The following ERI1 variants were observed in gnomAD, a reference collection of about 807,000 sequenced individuals.
ERI1 encodes exoribonuclease 1, also known as 3'-5' exoribonuclease 1.
A neutral mutation model predicts 39.7 loss-of-function variants in ERI1; 39 were observed. That is an observed-to-expected ratio of 0.98 (90% confidence interval 0.76 to 1.28). The LOEUF (loss-of-function observed/expected upper bound fraction) is 1.28, where lower values mean the gene tolerates loss of function less well. Among genes scored for constraint, ERI1 ranks in the 50% most tolerant of loss-of-function variants. The pLI is 0.00. For synonymous variants in ERI1, 204 were observed against 149.6 expected, an observed-to-expected ratio of 1.36 and a Z score of -2.65; for missense variants, 581 against 416.9, an observed-to-expected ratio of 1.39 and a Z score of -3.43.
intron 3 of ERI1, among the ~76,000 whole-genome samples, chr8:9,083,741 T>C (rs1799438328): frequency 6.6e-6 from 1 of 151,664 alleles, no homozygotes; most frequent in African/African-American, 2.4e-5. Context: ...ATTGCTTGAA[T>C]CCAGGAGTTC....
chr8:9,004,174 C>A lies in ERI1; in HGVS notation c.108+1003C>A, dbSNP rs1379524288. 5 of 1,288,670 alleles carry A rather than the reference C, an allele frequency of 3.9e-6. No individual in the cohort carries two copies. In the African/African-American group the frequency reaches 6.1e-5, roughly 16 times the overall value. 79.8% of individuals were successfully genotyped at this position (1,288,670 alleles called of 1,614,324 possible). On this transcript the variant is annotated intron_variant, in intron 1 of 6. Transcript: ENST00000250263. ...TGTGTGCACTTCCTTTGGATCCTTG[C>A]AATTATCTTTCTCCTTCTAAGGTTG...
intron 6 of ERI1, among the ~76,000 whole-genome samples, chr8:9,025,632 C>A (rs566025557): frequency 1.3e-4 from 20 of 151,856 alleles, no homozygotes; most frequent in Non-Finnish European, 2.8e-4. Flanking sequence ...AGTGACTGGG[C>A]CTTTGTTTAA....
intron 3 of ERI1, among the ~76,000 whole-genome samples, chr8:9,045,160 A>G (rs4537305): frequency 0.42 from 61,229 of 146,974 alleles, 14,759 homozygotes; most frequent in East Asian, 0.7. Context: ...GGCGTGAACC[A>G]GGGAGGTGGA....
At chr8:9,071,875 G>C (rs1414142913) in intron 3 of ERI1, among the ~76,000 whole-genome samples, 1 of 152,218 alleles carries the variant, frequency 6.6e-6, no homozygotes, top group African/African-American at 2.4e-5. Flanking sequence ...AGACCAGCTT[G>C]AGCAACATAG....
chr8:9,029,421 C>G (rs1318759096), intron 6 of ERI1, among the ~76,000 whole-genome samples: 3 of 152,258 alleles, frequency 2.0e-5, no homozygotes, highest in Admixed American at 1.3e-4. Context: ...CTCCACCTCC[C>G]AGGTTCAGGC....
downstream of ERI1, among the ~76,000 whole-genome samples, chr8:9,038,100 A>T (rs1426837489): frequency 1.3e-5 from 2 of 152,220 alleles, no homozygotes; most frequent in Non-Finnish European, 2.9e-5. Context: ...GACATTTAAA[A>T]CAAAACAGGC....
chr8:9,013,100 C>T (rs899222285), intron 3 of ERI1, among the ~76,000 whole-genome samples: 1 of 151,956 alleles, frequency 6.6e-6, no homozygotes, highest in Non-Finnish European at 1.5e-5. Context: ...CTGCAACCTC[C>T]ACCTCCTGGG....
In ERI1 at chr8:9,030,175, C is replaced by A. The variant is rs375315959; in HGVS notation, c.*141C>A. 1.4e-5 allele frequency: 16 copies of A among 1,127,526 alleles called. No homozygotes were observed. Among genetic ancestry groups the A allele is most frequent in the African/African-American group, 4.7e-5 (3 of 64,044 alleles). The allele number at this position is 1,127,526 out of a possible 1,614,324, so 69.8% of individuals were successfully genotyped here. A position where few individuals can be genotyped will look rare whatever the true frequency, so the allele number is the denominator to read the frequency against. On this transcript the variant is annotated 3_prime_UTR_variant, in exon 7 of 7. Coordinates refer to ENST00000250263, the MANE Select transcript of ERI1 (RefSeq NM_153332.4). ...TTATTACAGGTGATAGAGATAGATACATGTATGTGAACAGATTTTGTAGGA... is the reference window on the plus strand; with the variant it reads ...TTATTACAGGTGATAGAGATAGATAAATGTATGTGAACAGATTTTGTAGGA...
intron 3 of ERI1, among the ~76,000 whole-genome samples, chr8:9,045,227 C>A (rs529278200): frequency 9.9e-6 from 1 of 101,134 alleles, no homozygotes; most frequent in African/African-American, 3.5e-5. Context: ...CAGAGTGAGA[C>A]TCTGTCTCAA....
chr8:9,027,756 C>A (rs547947826), intron 6 of ERI1, among the ~76,000 whole-genome samples: 171 of 152,216 alleles, frequency 1.1e-3, no homozygotes, highest in African/African-American at 4.0e-3. Context: ...CCCATTGATT[C>A]AATGTATTTG....
In ERI1 at chr8:9,011,750, A is replaced by G; in HGVS notation, c.496A>G (p.Ile166Val). The G allele has an allele frequency of 6.3e-7, 1 of 1,589,518 alleles. No homozygotes were observed. The highest frequency in any genetic ancestry group is 8.6e-7 in the Non-Finnish European group (1 of 1,163,462). ...TTTACTGAATACGCATACTTTAGAAATAGTAAGTGAATTTTTGTATTTTAA... is the reference window on the plus strand; with the variant it reads ...TTTACTGAATACGCATACTTTAGAAGTAGTAAGTGAATTTTTGTATTTTAA... Reference protein sequence around the residue: ...VVLLNTHTLEIEDTFQQYVRP... With the variant: ...VVLLNTHTLEVEDTFQQYVRP... Residue 166 changes from isoleucine (I) to valine (V), a missense_variant and splice_region_variant, in exon 3 of 7, where the codon ATA becomes GTA. Transcript: ENST00000250263.
chr8:9,090,258 CAG>C, intron 3 of ERI1, among the ~76,000 whole-genome samples: 1 of 151,504 alleles, frequency 6.6e-6, no homozygotes, highest in Middle Eastern at 3.5e-3. Context: ...GAGGGGCCGA[CAG>C]AGAAGGGGTG....
chr8:9,043,719 T>G (rs1798092262), intron 3 of ERI1, among the ~76,000 whole-genome samples: 1 of 152,226 alleles, frequency 6.6e-6, no homozygotes. Flanking sequence ...AGATATTATT[T>G]TTGTTTTATT....
intron 3 of ERI1, among the ~76,000 whole-genome samples, chr8:9,096,231 C>T (rs1216235622): frequency 6.6e-6 from 1 of 152,182 alleles, no homozygotes; most frequent in Admixed American, 6.5e-5. Context: ...TTTGCTTCCT[C>T]TCTTCTCCTT....
At chr8:9,060,467 A>C (rs1798656065) in intron 3 of ERI1, among the ~76,000 whole-genome samples, 1 of 152,106 alleles carries the variant, frequency 6.6e-6, no homozygotes, top group African/African-American at 2.4e-5. Flanking sequence ...ACAATCCCTG[A>C]GGGGCAGTAG....
chr8:9,064,416 C>T (rs189325828), intron 3 of ERI1, among the ~76,000 whole-genome samples: 128 of 152,240 alleles, frequency 8.4e-4, no homozygotes, highest in Middle Eastern at 3.4e-3. Flanking sequence ...ATCAGAGAGG[C>T]GTCCCTACAA....
intron 3 of ERI1, among the ~76,000 whole-genome samples, chr8:9,067,844 G>GTT (rs80309548): frequency 3.3e-5 from 5 of 151,654 alleles, no homozygotes; most frequent in East Asian, 1.9e-4. Context: ...GCCCCAGCAG[G>GTT]TTTTTTTACC....
chr8:9,030,156 C>A lies in ERI1; in HGVS notation c.*122C>A. Reference sequence around the variant, plus strand: ...CCTTAAAACATTTAAAATCTTATTACAGGTGATAGAGATAGATACATGTAT... The same window carrying A: ...CCTTAAAACATTTAAAATCTTATTAAAGGTGATAGAGATAGATACATGTAT... On this transcript the variant is annotated 3_prime_UTR_variant, in exon 7 of 7. Transcript: ENST00000250263. 2.3e-6 allele frequency: 3 copies of A among 1,282,764 alleles called. No homozygotes were observed. The highest frequency in any genetic ancestry group is 4.7e-5 in the Admixed American group (2 of 42,772). 79.5% of individuals were successfully genotyped at this position (1,282,764 alleles called of 1,614,324 possible).
chr8:9,049,336 CAAAAAAAAAAAA>C (rs3989371), intron 3 of ERI1, among the ~76,000 whole-genome samples: 22 of 33,232 alleles, frequency 6.6e-4, no homozygotes, highest in East Asian at 4.8e-3. Flanking sequence ...ACTCCGTCTC[CAAAAAAAAAAAA>C]AAAAAAAAAA....
Sources: allele counts gnomAD v4.1 joint callset (sites outside exome capture counted in the v4.1 genomes callset), GRCh38; gene constraint gnomAD v4.1.1; transcripts MANE v1.5; gene names NCBI Gene and HGNC (gene_info 2026-07-23, HGNC 2026-07-21).